The following DLGAP2 variants were observed in gnomAD, a reference collection of about 807,000 sequenced individuals.
The protein encoded by DLGAP2 is DLG associated protein 2.
A neutral mutation model predicts 100.3 loss-of-function variants in DLGAP2; 26 were observed. The observed-to-expected ratio is 0.26, with a 90% CI of 0.19 to 0.36. The LOEUF (loss-of-function observed/expected upper bound fraction) is 0.36, where lower values mean the gene tolerates loss of function less well. Among genes scored for constraint, DLGAP2 ranks in the 10% least tolerant of loss-of-function variants. DLGAP2 has a pLI of 1.00. For missense variants in DLGAP2, 1,858 were observed against 1,453.2 expected (o/e 1.28, Z -4.53); for synonymous variants, 886 against 630.1 (o/e 1.41, Z -6.08).
chr8:1,108,367 G>C (rs1804842998), intron 2 of DLGAP2, among the ~76,000 whole-genome samples: 1 of 152,218 alleles, frequency 6.6e-6, no homozygotes, highest in Non-Finnish European at 1.5e-5. Context: ...CCTGGGAGCA[G>C]CCTTCATGCT....
At chr8:1,118,420 C>T (rs1563201260) in intron 2 of DLGAP2, among the ~76,000 whole-genome samples, 1 of 152,206 alleles carries the variant, frequency 6.6e-6, no homozygotes, top group Non-Finnish European at 1.5e-5. Context: ...GTAAAGTGCT[C>T]ATTTTAGCTG....
At chr8:1,132,551 G>T (rs1039283756) in intron 2 of DLGAP2, among the ~76,000 whole-genome samples, 21 of 152,224 alleles carry the variant, frequency 1.4e-4, no homozygotes, top group African/African-American at 4.6e-4. Flanking sequence ...GCATATATGT[G>T]TACACCTTGA....
chr8:1,533,398 C>G (rs1048896315), intron 4 of DLGAP2, among the ~76,000 whole-genome samples: 1 of 151,638 alleles, frequency 6.6e-6, no homozygotes, highest in African/African-American at 2.4e-5. Context: ...CCGAGCTACT[C>G]GGCAGGCTGA....
intron 8 of DLGAP2, among the ~76,000 whole-genome samples, chr8:1,666,072 G>A (rs1044821440): frequency 5.3e-5 from 8 of 152,220 alleles, no homozygotes; most frequent in South Asian, 2.1e-4. Context: ...CGTCCCACCC[G>A]GAAAAACGAA....
At chr8:810,181 C>T (rs1223486644) in intron 1 of DLGAP2, among the ~76,000 whole-genome samples, 1 of 152,236 alleles carries the variant, frequency 6.6e-6, no homozygotes, top group African/African-American at 2.4e-5. Context: ...CACAGTGAAT[C>T]TCATGCTGTT....
At chr8:1,178,962 C>T (rs1416198721) in intron 2 of DLGAP2, among the ~76,000 whole-genome samples, 3 of 150,736 alleles carry the variant, frequency 2.0e-5, no homozygotes, top group Non-Finnish European at 4.5e-5. Flanking sequence ...CCGCCCTGGT[C>T]TCGTCTCCAG....
intron 3 of DLGAP2, among the ~76,000 whole-genome samples, chr8:1,453,456 CAG>C (rs1424765851): frequency 2.0e-5 from 3 of 152,182 alleles, no homozygotes; most frequent in East Asian, 1.9e-4. Context: ...CCATACCTAA[CAG>C]AGAGAACGGA....
intron 3 of DLGAP2, among the ~76,000 whole-genome samples, chr8:1,331,386 C>T (rs1461515952): frequency 2.0e-5 from 3 of 152,052 alleles, no homozygotes; most frequent in African/African-American, 7.2e-5. Context: ...GCTGGCCTTT[C>T]CTACGGACTC....
intron 7 of DLGAP2, among the ~76,000 whole-genome samples, chr8:1,630,658 C>T (rs1279452322): frequency 4.6e-5 from 7 of 151,584 alleles, no homozygotes; most frequent in African/African-American, 7.3e-5. Context: ...GCCGAGATCA[C>T]GCCACTGCAC....
chr8:1,345,841 C>T (rs749321016), intron 3 of DLGAP2, among the ~76,000 whole-genome samples: 1 of 152,206 alleles, frequency 6.6e-6, no homozygotes, highest in Admixed American at 6.5e-5. Flanking sequence ...ACTGAGCGTG[C>T]TTAGAGTGCA....
intron 2 of DLGAP2, among the ~76,000 whole-genome samples, chr8:1,167,632 T>G (rs1797043873): frequency 6.6e-6 from 1 of 152,234 alleles, no homozygotes; most frequent in African/African-American, 2.4e-5. Flanking sequence ...TAACCTTGTT[T>G]TAATGTTTGT....
At chr8:1,142,795 A>G (rs1796543978) in intron 2 of DLGAP2, among the ~76,000 whole-genome samples, 1 of 152,148 alleles carries the variant, frequency 6.6e-6, no homozygotes, top group Non-Finnish European at 1.5e-5. Flanking sequence ...AGGATTGAAA[A>G]GCAAGGAAAG....
intron 3 of DLGAP2, among the ~76,000 whole-genome samples, chr8:1,493,509 C>A (rs931783852): frequency 3.9e-5 from 6 of 152,314 alleles, no homozygotes; most frequent in Non-Finnish European, 8.8e-5. Flanking sequence ...GTTAGAGGGA[C>A]GGACCCCAGG....
chr8:916,441 C>T (rs771274499), intron 2 of DLGAP2, among the ~76,000 whole-genome samples: 8 of 152,164 alleles, frequency 5.3e-5, no homozygotes, highest in Non-Finnish European at 8.8e-5. Context: ...AAACCAAACA[C>T]CACATGTTCT....
chr8:1,387,568 C>T (rs931615829), intron 3 of DLGAP2, among the ~76,000 whole-genome samples: 1 of 152,176 alleles, frequency 6.6e-6, no homozygotes, highest in Non-Finnish European at 1.5e-5. Flanking sequence ...CACTGAACTG[C>T]ACCACTGGAC....
At chr8:1,586,869 G>C (rs935027296) in intron 6 of DLGAP2, among the ~76,000 whole-genome samples, 15 of 152,194 alleles carry the variant, frequency 9.9e-5, no homozygotes, top group Non-Finnish European at 2.2e-4. Context: ...AGCATCATAA[G>C]GGGATTTTCT....
intron 3 of DLGAP2, among the ~76,000 whole-genome samples, chr8:1,293,581 G>A (rs569020440): frequency 7.9e-5 from 12 of 152,018 alleles, no homozygotes; most frequent in African/African-American, 2.9e-4. Flanking sequence ...ATTTCCTTCT[G>A]TGCTAAAATT....
chr8:1,355,802 C>T (rs568955947), intron 3 of DLGAP2, among the ~76,000 whole-genome samples: 4 of 152,310 alleles, frequency 2.6e-5, no homozygotes, highest in African/African-American at 7.2e-5. Context: ...CCACAACCCC[C>T]ACCCCACGGT....
chr8:798,876 C>T (rs4075377), intron 1 of DLGAP2, among the ~76,000 whole-genome samples: 57 of 151,964 alleles, frequency 3.8e-4, no homozygotes, highest in East Asian at 2.7e-3. Flanking sequence ...CCCCGTGTCC[C>T]GGCGCCAGCC....
Sources: gnomAD v4.1 joint callset for allele counts (sites outside exome capture counted in the v4.1 genomes callset) on GRCh38, gnomAD v4.1.1 for gene constraint, MANE v1.5 for transcripts, NCBI Gene and HGNC (gene_info 2026-07-23, HGNC 2026-07-21) for gene names.